Variants in CPPED1 observed in about 807,000 individuals in gnomAD.
The protein encoded by CPPED1 is calcineurin like phosphoesterase domain containing 1.
A neutral mutation model predicts 28.0 loss-of-function variants in CPPED1; 28 were observed. The ratio of observed to expected loss-of-function variants is 1.00; its 90% CI spans 0.74 to 1.37. CPPED1 has a LOEUF of 1.37. Ranked by LOEUF, CPPED1 falls within the 40% of genes most tolerant of loss-of-function variation. The pLI, the probability that CPPED1 is intolerant of heterozygous loss-of-function variation, is 0.00. For missense variants in CPPED1, 504 were observed against 416.5 expected, an observed-to-expected ratio of 1.21 and a Z score of -1.83; for synonymous variants, 198 against 180.2, an observed-to-expected ratio of 1.10 and a Z score of -0.79.
chr16:12,731,691 T>C (rs1003899243), intron 2 of CPPED1, among the ~76,000 whole-genome samples: 2 of 151,416 alleles, frequency 1.3e-5, no homozygotes. Context: ...CCCCCGCATT[T>C]GTCAGTTTTT....
intron 2 of CPPED1, among the ~76,000 whole-genome samples, chr16:12,718,203 CG>C (rs1347146076): frequency 6.6e-6 from 1 of 152,168 alleles, no homozygotes; most frequent in Non-Finnish European, 1.5e-5. Flanking sequence ...AGCTTGGCCA[CG>C]TTTTTCTTGA....
chr16:12,800,522 T>C (rs1018231951), intron 1 of CPPED1, among the ~76,000 whole-genome samples: 1 of 151,916 alleles, frequency 6.6e-6, no homozygotes, highest in Non-Finnish European at 1.5e-5. Context: ...CTGGATTGCA[T>C]CCCAAGTTGC....
chr16:12,744,621 G>T (rs1567293180), intron 2 of CPPED1, among the ~76,000 whole-genome samples: 1 of 152,160 alleles, frequency 6.6e-6, no homozygotes, highest in Non-Finnish European at 1.5e-5. Context: ...AACACAGGAA[G>T]GGTCTGACAG....
chr16:12,705,111 T>C, intron 2 of CPPED1, 62 bp from the exon 3 acceptor site: 1 of 1,464,808 alleles, frequency 6.8e-7, no homozygotes, highest in Non-Finnish European at 9.2e-7. Context: ...AATAACTAAC[T>C]TAAGTACTTA....
intron 1 of CPPED1, among the ~76,000 whole-genome samples, chr16:12,796,321 C>G (rs183700292): frequency 5.3e-5 from 8 of 151,908 alleles, no homozygotes; most frequent in Admixed American, 4.6e-4. Flanking sequence ...CGGTGAAACC[C>G]CATCTCTACT....
In CPPED1 at chr16:12,682,842, G is replaced by A. The variant is rs372809761; in HGVS notation, c.716-17727C>T. Reference sequence around the variant, plus strand: ...TTTTTAAAAGAAGATGGCAGCTTGCGTGTGAAATGGAGCGTGGGGCCCACA... The same window carrying A: ...TTTTTAAAAGAAGATGGCAGCTTGCATGTGAAATGGAGCGTGGGGCCCACA... On this transcript the variant is annotated intron_variant, in intron 3 of 3. Coordinates refer to ENST00000381774, the MANE Select transcript of CPPED1 (RefSeq NM_018340.3). The surrounding 1 kb of genome is among the most constrained non-coding windows in gnomAD (Gnocchi z 6.1). 3.3e-4 allele frequency among the ~76,000 whole-genome samples: 50 copies of A among 152,244 alleles called. No individual in the cohort carries two copies. In the East Asian group the frequency reaches 4.2e-3, roughly 13 times the overall value.
intron 3 of CPPED1, among the ~76,000 whole-genome samples, chr16:12,690,741 G>A (rs1346095369): frequency 6.6e-6 from 1 of 151,742 alleles, no homozygotes; most frequent in Non-Finnish European, 1.5e-5. Context: ...AAGATGAACG[G>A]ATGAACGGAG....
At chr16:12,728,954 AC>A (rs1460321635) in intron 2 of CPPED1, among the ~76,000 whole-genome samples, 2 of 151,936 alleles carry the variant, frequency 1.3e-5, no homozygotes, top group Non-Finnish European at 2.9e-5. Flanking sequence ...AGTGAATGGG[AC>A]CCCCTGTCTG....
chr16:12,791,570 GC>G (rs1447813781), intron 1 of CPPED1, among the ~76,000 whole-genome samples: 2 of 152,146 alleles, frequency 1.3e-5, no homozygotes, highest in Non-Finnish European at 2.9e-5. Context: ...CCCTGCAGCA[GC>G]CCCACCTTAC....
At chr16:12,715,099 T>C (rs996427561) in intron 2 of CPPED1, among the ~76,000 whole-genome samples, 10 of 152,184 alleles carry the variant, frequency 6.6e-5, no homozygotes, top group African/African-American at 2.4e-4. Flanking sequence ...AAAAATCCAT[T>C]GACCCTAAAT....
rs2079815043 is a variant in CPPED1 at position 12,664,711 on chromosome 16, A to G, written c.*175T>C. On this transcript the variant is annotated 3_prime_UTR_variant, in exon 4 of 4. Transcript: ENST00000381774. This position sits in a 1 kb window ranked among gnomAD's most constrained non-coding sequence, Gnocchi z 4.2. ...TCCATTTTAAAGGAAATGCAGTTCT[A>G]TTTTGAATATAATTCAGGACAGGGC... The G allele has an allele frequency of 4.1e-6, 6 of 1,452,834 alleles. No individual in the cohort carries two copies. The highest frequency in any genetic ancestry group is 5.4e-6 in the Non-Finnish European group (6 of 1,114,880). 90.0% of individuals were successfully genotyped at this position (1,452,834 alleles called of 1,614,324 possible). A position where few individuals can be genotyped will look rare whatever the true frequency, so the allele number is the denominator to read the frequency against.
rs2080066012 is a variant in CPPED1 at position 12,709,005 on chromosome 16, G to A, written c.290-3956C>T. On this transcript the variant is annotated intron_variant, in intron 2 of 3. Coordinates refer to ENST00000381774, the MANE Select transcript of CPPED1 (RefSeq NM_018340.3). This position sits in a 1 kb window ranked among gnomAD's most constrained non-coding sequence, Gnocchi z 4.4. ...TGAGACAGGAGAATTGCTTGAACCC[G>A]GGAGGCAGAGGTTGCAGTGAGCCAA... Among the ~76,000 whole-genome samples, 2 of 152,272 alleles carry A rather than the reference G, an allele frequency of 1.3e-5. No individual in the cohort carries two copies. The highest frequency in any genetic ancestry group is 2.1e-4 in the South Asian group (1 of 4,816).
At chr16:12,750,377 G>A (rs926624314) in intron 2 of CPPED1, among the ~76,000 whole-genome samples, 6 of 152,080 alleles carry the variant, frequency 3.9e-5, no homozygotes, top group Admixed American at 2.0e-4. Flanking sequence ...TCATTTGAAC[G>A]CTTAGAAGCC....
At chr16:12,777,457 G>A (rs931494242) in intron 2 of CPPED1, among the ~76,000 whole-genome samples, 3 of 152,188 alleles carry the variant, frequency 2.0e-5, no homozygotes, top group African/African-American at 7.2e-5. Flanking sequence ...AATTAAGAGT[G>A]AAGGATGAAA....
chr16:12,755,660 C>G (rs867657132), intron 2 of CPPED1, among the ~76,000 whole-genome samples: 30 of 152,266 alleles, frequency 2.0e-4, no homozygotes, highest in Admixed American at 1.3e-4. Context: ...TTCCAGAAGG[C>G]TAATACGCAT....
intron 1 of CPPED1, among the ~76,000 whole-genome samples, chr16:12,795,677 G>C (rs995214820): frequency 2.0e-5 from 3 of 152,208 alleles, no homozygotes; most frequent in Non-Finnish European, 4.4e-5. Flanking sequence ...CTTGGTCTCA[G>C]CTTTGTTTAG....
intron 3 of CPPED1, among the ~76,000 whole-genome samples, 174 bp downstream of exon 3, chr16:12,704,450 C>G (rs1403371033): frequency 1.3e-5 from 2 of 152,180 alleles, no homozygotes; most frequent in Admixed American, 1.3e-4. Flanking sequence ...AACTGAGGCA[C>G]AGGAGGATTA....
intron 3 of CPPED1, among the ~76,000 whole-genome samples, chr16:12,693,227 G>C (rs998922669): frequency 1.3e-5 from 2 of 152,114 alleles, no homozygotes; most frequent in African/African-American, 4.8e-5. Flanking sequence ...TTGCTTTTGA[G>C]AGTCTCACTC....
chr16:12,669,154 G>C (rs1050673400), intron 3 of CPPED1, among the ~76,000 whole-genome samples: 1 of 152,078 alleles, frequency 6.6e-6, no homozygotes, highest in Non-Finnish European at 1.5e-5. Flanking sequence ...ACCACGAAAA[G>C]GAATAAAGTG....
Sources: gnomAD v4.1 joint callset for allele counts (sites outside exome capture counted in the v4.1 genomes callset) on GRCh38, gnomAD v4.1.1 for gene constraint, Gnocchi (gnomAD v3.1) non-coding constraint, MANE v1.5 for transcripts, NCBI Gene and HGNC (gene_info 2026-07-23, HGNC 2026-07-21) for gene names.